Variants in RAI14 observed in about 807,000 individuals in gnomAD.
The protein encoded by RAI14 is ankycorbin.
In RAI14, 45 loss-of-function variants were observed where a neutral mutation model predicts 115.4. That is an observed-to-expected ratio of 0.39 (90% CI 0.31 to 0.50). The LOEUF (loss-of-function observed/expected upper bound fraction) is 0.50, where lower values mean the gene tolerates loss of function less well. Ranked by LOEUF, RAI14 falls within the 20% of genes least tolerant of loss-of-function variation. The pLI is 0.85. For missense variants in RAI14, 939 were observed against 1,131.2 expected (o/e 0.83, Z 2.44); for synonymous variants, 371 against 415.4 (o/e 0.89, Z 1.30).
At chr5:34,830,256 T>G (rs1757894297) in intron 17 of RAI14, among the ~76,000 whole-genome samples, 1 of 152,142 alleles carries the variant, frequency 6.6e-6, no homozygotes, top group Admixed American at 6.5e-5. Context: ...AGTGCTGAGA[T>G]TACACGCATG....
rs775369391 is a variant in RAI14, at chr5:34,822,962, T to C, written c.1120T>C (p.Ser374Pro). The C allele has an allele frequency of 6.2e-7, 1 of 1,607,792 alleles. No individual in the cohort carries two copies. The highest frequency in any genetic ancestry group is 8.5e-7 in the Non-Finnish European group (1 of 1,177,516). ...KELQDKLQAK[S>P]PKEAEADLSF... The stretch of plus-strand genomic sequence containing the variant: ...TCTTGCTTTTTTTTCCTAGGCCAAA[T>C]CACCCAAGGAGGCGGAAGCAGACCT... Residue 374 changes from serine (S) to proline (P), a missense_variant, in exon 15 of 18, where the codon TCA becomes CCA. Physicochemically the swap from Ser to Pro is moderately conservative, Grantham distance 74. Coordinates refer to ENST00000265109, the MANE Select transcript of RAI14 (RefSeq NM_015577.3).
Position 34,812,193 on chromosome 5 carries a change from A to T in RAI14, c.750A>T (p.Pro250=). The change falls in exon 10 of 18, where the codon CCA becomes CCT. Residue 250 remains proline (P), a synonymous_variant. Transcript: ENST00000265109. ...TTTCCTCTATAGATTTAAAGACCCC[A>T]ACAAAACCAAAGCAGGTATTTATCT... ...KISQDADLKT[P]TKPKQHDQVS... The T allele has an allele frequency of 6.3e-7, 1 of 1,582,714 alleles. No homozygotes were observed. The highest frequency in any genetic ancestry group is 8.6e-7 in the Non-Finnish European group (1 of 1,156,238).
chr5:34,681,399 GA>G (rs1009787487), intron 1 of RAI14, among the ~76,000 whole-genome samples: 7 of 152,176 alleles, frequency 4.6e-5, no homozygotes, highest in African/African-American at 1.7e-4. Flanking sequence ...TAACTTGGAA[GA>G]AAATGTCCTG....
intron 2 of RAI14, chr5:34,728,737 T>G (rs1743800275): frequency 6.6e-6 from 1 of 151,574 alleles, no homozygotes; most frequent in Non-Finnish European, 1.5e-5. Flanking sequence ...GAAAACAGAC[T>G]AATACACCCT....
intron 2 of RAI14, among the ~76,000 whole-genome samples, chr5:34,742,515 A>G (rs2166373): frequency 0.62 from 94,351 of 151,966 alleles, 29,681 homozygotes; most frequent in African/African-American, 0.66. Flanking sequence ...GCGGTAAACA[A>G]TTGCTTTTTT....
chr5:34,660,462 G>A (rs1000705513), intron 1 of RAI14, among the ~76,000 whole-genome samples: 2 of 152,126 alleles, frequency 1.3e-5, no homozygotes, highest in African/African-American at 4.8e-5. Context: ...AAGAAAAAGT[G>A]GCTCTTCATT....
At chr5:34,800,810 G>T (rs1401387197) in intron 4 of RAI14, among the ~76,000 whole-genome samples, 1 of 152,134 alleles carries the variant, frequency 6.6e-6, no homozygotes, top group Admixed American at 6.5e-5. Flanking sequence ...GGAGAACCAG[G>T]TCTTTTTCCA....
intron 2 of RAI14, among the ~76,000 whole-genome samples, chr5:34,745,792 C>A (rs972296572): frequency 1.6e-4 from 25 of 152,258 alleles, no homozygotes; most frequent in African/African-American, 5.8e-4. Context: ...AGCAGGTTTC[C>A]TTACTCACTT....
At chr5:34,698,896 C>T (rs1294947181) in intron 2 of RAI14, among the ~76,000 whole-genome samples, 1 of 151,980 alleles carries the variant, frequency 6.6e-6, no homozygotes, top group African/African-American at 2.4e-5. Context: ...GCAAGAACGA[C>T]GGGATTTGAG....
In RAI14 at chr5:34,745,499, TAGGACC is replaced by T. The variant is rs200062161; in HGVS notation, c.37-11966_37-11961del. ...CATCCAACACCTTGCCTCTGATCTA[TAGGACC>T]AGTCCCTGGACCTTGTCCTTACCTG... On this transcript the variant is annotated intron_variant, in intron 2 of 17. Coordinates refer to ENST00000265109, the MANE Select transcript of RAI14 (RefSeq NM_015577.3). 4.1e-4 allele frequency among the ~76,000 whole-genome samples: 63 copies of T among 152,338 alleles called. No individual in the cohort carries two copies. The East Asian group carries it at 5.6e-3, about 14-fold the overall frequency.
chr5:34,712,891 T>C (rs1189637669), intron 2 of RAI14, among the ~76,000 whole-genome samples: 2 of 152,190 alleles, frequency 1.3e-5, no homozygotes, highest in South Asian at 2.1e-4. Context: ...ATATTAAAAA[T>C]ATGGGTGTCT....
intron 2 of RAI14, chr5:34,716,248 C>T (rs1221769074): frequency 3.1e-6 from 1 of 320,448 alleles, no homozygotes; most frequent in Non-Finnish European, 6.0e-6. Flanking sequence ...ACATGATAAT[C>T]TAGGTGAGGC....
intron 1 of RAI14, among the ~76,000 whole-genome samples, chr5:34,683,201 C>T (rs1054936921): frequency 2.0e-5 from 3 of 152,198 alleles, no homozygotes; most frequent in African/African-American, 7.2e-5. Context: ...ACAGTTCATG[C>T]TTCTAGAGTT....
chr5:34,677,703 T>G (rs1298086654), intron 1 of RAI14, among the ~76,000 whole-genome samples: 1 of 152,208 alleles, frequency 6.6e-6, no homozygotes. Context: ...CCTCCCAAAG[T>G]GCTGGGATTA....
chr5:34,738,287 C>T (rs1745106268), intron 2 of RAI14, among the ~76,000 whole-genome samples: 1 of 152,068 alleles, frequency 6.6e-6, no homozygotes, highest in African/African-American at 2.4e-5. Flanking sequence ...AACAAAACCC[C>T]AAATATTTCT....
chr5:34,723,662 A>G (rs1215203475), intron 2 of RAI14, among the ~76,000 whole-genome samples: 4 of 152,214 alleles, frequency 2.6e-5, no homozygotes, highest in Admixed American at 1.3e-4. Context: ...CCTACGTTAT[A>G]TAAGAATAGT....
chr5:34,787,686 C>T (rs1752456410), intron 3 of RAI14, among the ~76,000 whole-genome samples: 3 of 151,828 alleles, frequency 2.0e-5, no homozygotes, highest in Admixed American at 1.3e-4. Flanking sequence ...TTGTTGCCAG[C>T]TTTGTGAATA....
chr5:34,671,026 T>TGG, intron 1 of RAI14, among the ~76,000 whole-genome samples: 1 of 152,228 alleles, frequency 6.6e-6, no homozygotes, highest in Non-Finnish European at 1.5e-5. Flanking sequence ...TTTTTTGGTT[T>TGG]TCAGCCTCCA....
intron 5 of RAI14, 151 bp downstream of exon 5, chr5:34,803,927 G>T: frequency 4.4e-6 from 3 of 681,176 alleles, no homozygotes; most frequent in East Asian, 2.9e-5. Context: ...TGATTGAAAT[G>T]ATAGCCAAGG....
Sources: allele counts gnomAD v4.1 joint callset (sites outside exome capture counted in the v4.1 genomes callset), GRCh38; gene constraint gnomAD v4.1.1; transcripts MANE v1.5; gene names NCBI Gene and HGNC (gene_info 2026-07-23, HGNC 2026-07-21).